The following ETFRF1 variants were observed in gnomAD, a reference collection of about 807,000 sequenced individuals.
ETFRF1 encodes electron transfer flavoprotein regulatory factor 1.
ETFRF1 carries 12 observed loss-of-function variants against 9.0 expected under a neutral mutation model. That is an observed-to-expected ratio of 1.34 (90% confidence interval 0.86 to 2.16). The LOEUF is 2.16. Among genes scored for constraint, ETFRF1 ranks in the 30% most tolerant of loss-of-function variants. The pLI is 0.00. For synonymous variants in ETFRF1, 34 were observed against 33.2 expected, an observed-to-expected ratio of 1.02 and a Z score of -0.08; for missense variants, 98 against 101.8, an observed-to-expected ratio of 0.96 and a Z score of 0.16.
intron 1 of ETFRF1, among the ~76,000 whole-genome samples, chr12:25,198,883 G>A (rs1294650162): frequency 2.6e-5 from 4 of 152,062 alleles, no homozygotes; most frequent in Admixed American, 2.6e-4. Flanking sequence ...ATATTCCAGG[G>A]TTCCTTCCCC....
intron 1 of ETFRF1, among the ~76,000 whole-genome samples, chr12:25,196,361 GTCAAC>G (rs1951006114): frequency 6.6e-6 from 1 of 152,176 alleles, no homozygotes; most frequent in Non-Finnish European, 1.5e-5. Context: ...AAACACCTCA[GTCAAC>G]TCAAGTTAGG....
In ETFRF1 at chr12:25,204,400, T is replaced by C; in HGVS notation, c.*88T>C. The C allele has an allele frequency of 1.3e-5, 15 of 1,116,614 alleles. No homozygotes were observed. Among genetic ancestry groups the C allele is most frequent in the South Asian group, 2.1e-5 (1 of 48,036 alleles). 69.2% of individuals were successfully genotyped at this position (1,116,614 alleles called of 1,614,324 possible). A position where few individuals can be genotyped will look rare whatever the true frequency, so the allele number is the denominator to read the frequency against. On this transcript the variant is annotated 3_prime_UTR_variant, in exon 3 of 3. Transcript: ENST00000381356. ...AATTCTAACTTAAAATGGGAAGATA[T>C]ACATGTTGTGTAAAAAATCCCTGAG...
intron 1 of ETFRF1, among the ~76,000 whole-genome samples, chr12:25,199,189 CTACA>C (rs936017847): frequency 9.4e-5 from 14 of 149,384 alleles, no homozygotes; most frequent in South Asian, 6.3e-4. Context: ...ATAATATATA[CTACA>C]TATAGTATAA....
chr12:25,198,956 A>G (rs1256915072), intron 1 of ETFRF1, among the ~76,000 whole-genome samples: 2 of 152,140 alleles, frequency 1.3e-5, no homozygotes, highest in African/African-American at 4.8e-5. Flanking sequence ...CACCTATCCT[A>G]CCCACGAATT....
chr12:25,205,116 A>C lies in ETFRF1; in HGVS notation c.*804A>C, dbSNP rs1329159663. On this transcript the variant is annotated 3_prime_UTR_variant, in exon 3 of 3. Transcript: ENST00000381356. ...ACATAATATCCACAGCACCTTTTAG[A>C]AATAAAGGATACTTCTAACAAGCTG... 2 of 217,016 alleles carry C rather than the reference A, an allele frequency of 9.2e-6. No homozygotes were observed. Among genetic ancestry groups the C allele is most frequent in the African/African-American group, 4.5e-5 (2 of 44,458 alleles). 13.4% of individuals were successfully genotyped at this position (217,016 alleles called of 1,614,324 possible). A position where few individuals can be genotyped will look rare whatever the true frequency, so the allele number is the denominator to read the frequency against.
chr12:25,200,553 A>C (rs1471164149), intron 1 of ETFRF1, among the ~76,000 whole-genome samples: 3 of 152,214 alleles, frequency 2.0e-5, no homozygotes, highest in Non-Finnish European at 4.4e-5. Context: ...ACTGCTTTGA[A>C]CTTAATAGCA....
At chr12:25,201,995 T>C (rs969188950) in intron 1 of ETFRF1, among the ~76,000 whole-genome samples, 3 of 140,610 alleles carry the variant, frequency 2.1e-5, no homozygotes, top group Admixed American at 7.9e-5. Flanking sequence ...CCAAGGTGGG[T>C]GGATCACAAG....
At chr12:25,199,714 C>CT (rs1045365118) in intron 1 of ETFRF1, among the ~76,000 whole-genome samples, 28 of 151,918 alleles carry the variant, frequency 1.8e-4, no homozygotes, top group Middle Eastern at 3.4e-3. Flanking sequence ...CCTTGTGCAT[C>CT]TTTGATTCCT....
In ETFRF1 at chr12:25,204,094, C is replaced by T. The variant is rs771098604; in HGVS notation, c.55C>T (p.Leu19=). Residue 19 remains leucine, a synonymous_variant, in exon 3 of 3, where the codon CTG becomes TTG. Coordinates refer to ENST00000381356, the MANE Select transcript of ETFRF1 (RefSeq NM_001001660.3). ...TATATAATCTTTCTTTTTGAAGCTG[C>T]TGTATCTTGGACGAGACTATCCAAA... is the stretch of plus-strand genomic sequence containing the variant. ...GEVLKLYKNL[L]YLGRDYPKGA... The T allele has an allele frequency of 6.3e-7, 1 of 1,577,890 alleles. No individual in the cohort carries two copies. Among genetic ancestry groups the T allele is most frequent in the Non-Finnish European group, 8.6e-7 (1 of 1,160,072 alleles).
Sources: allele counts gnomAD v4.1 joint callset (sites outside exome capture counted in the v4.1 genomes callset), GRCh38; gene constraint gnomAD v4.1.1; transcripts MANE v1.5; gene names NCBI Gene and HGNC (gene_info 2026-07-23, HGNC 2026-07-21).